The following PEX14 variants were observed in gnomAD, a reference collection of about 807,000 sequenced individuals.
PEX14 encodes peroxisomal membrane protein PEX14.
Under a neutral mutation model 49.5 loss-of-function variants are expected in PEX14, and 15 were observed. The ratio of observed to expected loss-of-function variants is 0.30; its 90% CI spans 0.20 to 0.47. PEX14 has a LOEUF of 0.47. Among genes scored for constraint, PEX14 ranks in the 20% least tolerant of loss-of-function variants. PEX14 has a pLI of 1.00. For synonymous variants in PEX14, 210 were observed against 212.7 expected, an observed-to-expected ratio of 0.99 and a Z score of 0.11; for missense variants, 398 against 494.8, an observed-to-expected ratio of 0.80 and a Z score of 1.86.
chr1:10,590,914 A>G (rs1292346287), intron 3 of PEX14, among the ~76,000 whole-genome samples: 1 of 152,226 alleles, frequency 6.6e-6, no homozygotes, highest in Non-Finnish European at 1.5e-5. Context: ...AAGATTCAAG[A>G]TGCAGAAGAA....
At chr1:10,620,345 G>A (rs958523962) in intron 5 of PEX14, among the ~76,000 whole-genome samples, 1 of 147,274 alleles carries the variant, frequency 6.8e-6, no homozygotes, top group Non-Finnish European at 1.5e-5. Flanking sequence ...AGCTAGGCAT[G>A]GTGGTGTGAG....
intron 1 of PEX14, among the ~76,000 whole-genome samples, chr1:10,485,299 GTTTTTTTTT>G (rs941970919): frequency 9.9e-6 from 1 of 100,720 alleles, no homozygotes; most frequent in African/African-American, 4.4e-5. Context: ...TTTGTGTGTG[GTTTTTTTTT>G]TTTTTTTTTT....
chr1:10,541,277 T>C (rs1639001940), intron 3 of PEX14, among the ~76,000 whole-genome samples: 1 of 152,150 alleles, frequency 6.6e-6, no homozygotes, highest in Admixed American at 6.5e-5. Flanking sequence ...GACAAACAGG[T>C]CACCTTAGCG....
chr1:10,496,573 G>T (rs1015543692), intron 2 of PEX14, among the ~76,000 whole-genome samples: 1 of 152,122 alleles, frequency 6.6e-6, no homozygotes, highest in African/African-American at 2.4e-5. Context: ...AAATTTTGAT[G>T]TACCCATTTA....
chr1:10,522,778 C>A (rs898174768), intron 2 of PEX14, among the ~76,000 whole-genome samples: 2 of 152,186 alleles, frequency 1.3e-5, no homozygotes, highest in East Asian at 3.8e-4. Flanking sequence ...TGGATAGTTA[C>A]GTTTTCTGGA....
At chr1:10,519,911 A>G (rs375803473) in intron 2 of PEX14, among the ~76,000 whole-genome samples, 27 of 152,264 alleles carry the variant, frequency 1.8e-4, no homozygotes, top group African/African-American at 5.8e-4. Context: ...TGTAGCTGGG[A>G]CCATAGATGT....
intron 2 of PEX14, among the ~76,000 whole-genome samples, chr1:10,524,016 T>G (rs1638387291): frequency 6.6e-6 from 1 of 152,112 alleles, no homozygotes; most frequent in African/African-American, 2.4e-5. Context: ...TTTGGTATCA[T>G]TTTTTTATTT....
intron 3 of PEX14, among the ~76,000 whole-genome samples, chr1:10,593,723 G>A (rs61776269): frequency 4.6e-5 from 7 of 152,024 alleles, no homozygotes; most frequent in Non-Finnish European, 1.0e-4. Context: ...GGTGGGGGAG[G>A]CCCCATAAAC....
intron 3 of PEX14, among the ~76,000 whole-genome samples, chr1:10,596,539 G>A (rs1161059690): frequency 3.9e-5 from 6 of 152,154 alleles, no homozygotes; most frequent in Non-Finnish European, 8.8e-5. Flanking sequence ...CTAGGACATA[G>A]TTTGAGTCTG....
chr1:10,480,202 T>C (rs1464560856), intron 1 of PEX14, among the ~76,000 whole-genome samples: 1 of 14,160 alleles, frequency 7.1e-5, no homozygotes, highest in Non-Finnish European at 1.6e-4. Context: ...CTCTCAATGT[T>C]TTTTTTTTTT....
intron 1 of PEX14, among the ~76,000 whole-genome samples, chr1:10,488,310 C>G (rs752392312): frequency 8.5e-5 from 13 of 152,128 alleles, no homozygotes; most frequent in Middle Eastern, 3.4e-3. Flanking sequence ...GTGCCTGCCA[C>G]CATGCTCGGC....
At chr1:10,508,183 C>T (rs1438276734) in intron 2 of PEX14, among the ~76,000 whole-genome samples, 25 of 152,074 alleles carry the variant, frequency 1.6e-4, no homozygotes, top group Admixed American at 1.4e-3. Flanking sequence ...GGGAACATTG[C>T]AGATGTGCCA....
At chr1:10,537,197 G>A (rs1160033040) in intron 3 of PEX14, among the ~76,000 whole-genome samples, 9 of 152,030 alleles carry the variant, frequency 5.9e-5, no homozygotes, top group East Asian at 3.9e-4. Context: ...ATCATGTCCC[G>A]GGGCTGCACT....
At chr1:10,561,389 A>G (rs1639649820) in intron 3 of PEX14, among the ~76,000 whole-genome samples, 1 of 152,112 alleles carries the variant, frequency 6.6e-6, no homozygotes, top group Non-Finnish European at 1.5e-5. Flanking sequence ...TGTCATTAAC[A>G]TTTTTTGAGG....
intron 2 of PEX14, among the ~76,000 whole-genome samples, chr1:10,500,636 G>A (rs945804853): frequency 1.3e-5 from 2 of 152,012 alleles, no homozygotes; most frequent in Non-Finnish European, 2.9e-5. Flanking sequence ...GTGCAGTGGT[G>A]CAATCTCCGC....
At chr1:10,525,861 T>C (rs1216801022) in intron 2 of PEX14, among the ~76,000 whole-genome samples, 1 of 151,954 alleles carries the variant, frequency 6.6e-6, no homozygotes, top group African/African-American at 2.4e-5. Flanking sequence ...CTTGACCTTG[T>C]GATCCGCCCG....
At chr1:10,618,285 A>G in intron 4 of PEX14, 47 bp from the exon 5 acceptor site, 1 of 1,495,790 alleles carries the variant, frequency 6.7e-7, no homozygotes, top group South Asian at 1.1e-5. Flanking sequence ...CACCCGAAGA[A>G]GGACGCCATG....
chr1:10,579,253 A>G (rs1041673241), intron 3 of PEX14, among the ~76,000 whole-genome samples: 4 of 152,212 alleles, frequency 2.6e-5, no homozygotes, highest in Non-Finnish European at 5.9e-5. Context: ...CAAAATGGCG[A>G]AAGAAAAAAG....
chr1:10,599,130 A>C, intron 3 of PEX14, 108 bp from the exon 4 acceptor site: 1 of 1,127,766 alleles, frequency 8.9e-7, no homozygotes, highest in Admixed American at 1.7e-5. Flanking sequence ...ACTTACTAGG[A>C]TGCGAGGCAT....
Sources: gnomAD v4.1 joint callset for allele counts (sites outside exome capture counted in the v4.1 genomes callset) on GRCh38, gnomAD v4.1.1 for gene constraint, MANE v1.5 for transcripts, NCBI Gene and HGNC (gene_info 2026-07-23, HGNC 2026-07-21) for gene names.